HMBOX1: variants seen among roughly 807,000 people sequenced by gnomAD.
HMBOX1 encodes the protein homeobox-containing protein 1.
In HMBOX1, 14 loss-of-function variants were observed where a neutral mutation model predicts 54.5. The ratio of observed to expected loss-of-function variants is 0.26; its 90% CI spans 0.17 to 0.40. HMBOX1 has a LOEUF of 0.40. Among genes scored for constraint, HMBOX1 ranks in the 10% least tolerant of loss-of-function variants. The probability of loss-of-function intolerance (pLI) is 1.00; values close to 1 mark genes in which losing one functional copy is unlikely to be tolerated. For synonymous variants in HMBOX1, 160 were observed against 181.0 expected (o/e 0.88, Z 0.93); for missense variants, 332 against 514.4 (o/e 0.65, Z 3.43).
intron 5 of HMBOX1, among the ~76,000 whole-genome samples, chr8:29,016,366 GTC>G (rs1280962797): frequency 6.6e-6 from 1 of 152,130 alleles, no homozygotes; most frequent in African/African-American, 2.4e-5. Context: ...TAGTAGTGAA[GTC>G]TCTATATTAA....
chr8:28,914,147 C>T (rs1395448116), intron 1 of HMBOX1, among the ~76,000 whole-genome samples: 1 of 152,080 alleles, frequency 6.6e-6, no homozygotes, highest in Non-Finnish European at 1.5e-5. Context: ...GGATTACAGG[C>T]GTGAGCTACC....
chr8:28,900,066 T>A (rs989901235), intron 1 of HMBOX1, among the ~76,000 whole-genome samples: 1 of 151,824 alleles, frequency 6.6e-6, no homozygotes, highest in East Asian at 1.9e-4. Context: ...CTGGCCAACA[T>A]GGTGAAACCC....
intron 3 of HMBOX1, among the ~76,000 whole-genome samples, chr8:28,971,390 C>G (rs1827390692): frequency 6.6e-6 from 1 of 152,098 alleles, no homozygotes; most frequent in Admixed American, 6.5e-5. Context: ...TGCACCCAGC[C>G]GAAAAGAAAT....
intron 1 of HMBOX1, chr8:28,949,698 G>C (rs749379479): frequency 6.6e-6 from 1 of 152,162 alleles, no homozygotes; most frequent in Non-Finnish European, 1.5e-5. Context: ...GGTAGCAGCT[G>C]AGGCTGCAGC....
intron 1 of HMBOX1, among the ~76,000 whole-genome samples, chr8:28,892,455 T>C (rs1204830214): frequency 6.6e-6 from 1 of 152,192 alleles, no homozygotes; most frequent in Non-Finnish European, 1.5e-5. Context: ...ATGTGACAAT[T>C]TTTTTAGTGT....
chr8:29,030,512 C>G (rs1802797377), intron 6 of HMBOX1, among the ~76,000 whole-genome samples: 1 of 152,156 alleles, frequency 6.6e-6, no homozygotes, highest in African/African-American at 2.4e-5. Context: ...AGCCACAACG[C>G]CCGGCCGGTC....
intron 5 of HMBOX1, among the ~76,000 whole-genome samples, chr8:29,014,264 TG>T (rs545357835): frequency 7.7e-6 from 1 of 130,084 alleles, no homozygotes; most frequent in Non-Finnish European, 1.7e-5. Flanking sequence ...GAAACTTAGA[TG>T]GGGGGAAAAA....
chr8:28,997,513 TGAG>T (rs1460817643), intron 4 of HMBOX1, among the ~76,000 whole-genome samples: 1 of 152,128 alleles, frequency 6.6e-6, no homozygotes, highest in East Asian at 1.9e-4. Flanking sequence ...AGCATTTTGT[TGAG>T]GAGTTTTACA....
intron 6 of HMBOX1, among the ~76,000 whole-genome samples, chr8:29,021,093 T>G (rs1801074519): frequency 6.6e-6 from 1 of 152,186 alleles, no homozygotes; most frequent in Admixed American, 6.5e-5. Context: ...GAGGATTGCT[T>G]GAGCCCAGGA....
chr8:29,019,553 A>C (rs1800852609), intron 6 of HMBOX1, among the ~76,000 whole-genome samples: 1 of 152,170 alleles, frequency 6.6e-6, no homozygotes, highest in Non-Finnish European at 1.5e-5. Flanking sequence ...CTTGTAAGTG[A>C]TGTTTACAGA....
chr8:28,933,902 A>T (rs754722944), intron 1 of HMBOX1, among the ~76,000 whole-genome samples: 1 of 152,244 alleles, frequency 6.6e-6, no homozygotes, highest in Non-Finnish European at 1.5e-5. Context: ...TTAAGGAAGA[A>T]ATAATGAATG....
intron 6 of HMBOX1, among the ~76,000 whole-genome samples, chr8:29,033,913 C>T (rs537171793): frequency 6.6e-4 from 101 of 152,226 alleles, no homozygotes; most frequent in African/African-American, 2.3e-3. Flanking sequence ...AACTTATAGA[C>T]GAATTGGAAA....
intron 1 of HMBOX1, among the ~76,000 whole-genome samples, chr8:28,894,942 C>CA (rs575886185): frequency 0.012 from 1,420 of 116,420 alleles, 12 homozygotes; most frequent in East Asian, 0.061. Context: ...TTAACATTTG[C>CA]AAAAAAAAAA....
In HMBOX1 at chr8:29,051,425, A is replaced by AGT. The variant is rs2133416422; in HGVS notation, c.*271_*272insTG. ...CTAGAAAATCTTGCTGCTCCGTCTT[A>AGT]GCATTCCAAGAAAGTGCTTCCAGGT... On this transcript the variant is annotated 3_prime_UTR_variant, in exon 10 of 10. Coordinates refer to ENST00000287701, the MANE Select transcript of HMBOX1 (RefSeq NM_001135726.3). 1 of 676,356 alleles carries AGT rather than the reference A, an allele frequency of 1.5e-6. No homozygotes were observed. Among genetic ancestry groups the AGT allele is most frequent in the East Asian group, 2.7e-5 (1 of 36,798 alleles). The allele number at this position is 676,356 out of a possible 1,614,324, so 41.9% of individuals were successfully genotyped here. A position where few individuals can be genotyped will look rare whatever the true frequency, so the allele number is the denominator to read the frequency against.
chr8:28,954,405 T>A (rs1012085538), intron 1 of HMBOX1, among the ~76,000 whole-genome samples: 1 of 152,170 alleles, frequency 6.6e-6, no homozygotes, highest in African/African-American at 2.4e-5. Context: ...TCTCTCCCAA[T>A]GATGGCTTGC....
chr8:28,976,713 T>C (rs1263675260), intron 3 of HMBOX1, among the ~76,000 whole-genome samples: 1 of 150,034 alleles, frequency 6.7e-6, no homozygotes, highest in Non-Finnish European at 1.5e-5. Context: ...TTTTTTCTTT[T>C]TTTTTTTTTT....
At chr8:29,010,438 C>T (rs1834072736) in intron 5 of HMBOX1, among the ~76,000 whole-genome samples, 2 of 151,998 alleles carry the variant, frequency 1.3e-5, no homozygotes, top group South Asian at 2.1e-4. Context: ...ATGCCTGTAT[C>T]CCAGCTACTC....
chr8:28,950,294 T>C (rs535645802), intron 1 of HMBOX1, among the ~76,000 whole-genome samples: 1 of 152,322 alleles, frequency 6.6e-6, no homozygotes, highest in South Asian at 2.1e-4. Context: ...CAGAGTTGTC[T>C]GGGGATTCTA....
chr8:29,013,533 A>C (rs1310697045), intron 5 of HMBOX1, among the ~76,000 whole-genome samples: 1 of 152,230 alleles, frequency 6.6e-6, no homozygotes, highest in African/African-American at 2.4e-5. Flanking sequence ...GAAAAATAAT[A>C]GAATGGATAT....
Sources: gnomAD v4.1 joint callset for allele counts (sites outside exome capture counted in the v4.1 genomes callset) on GRCh38, gnomAD v4.1.1 for gene constraint, MANE v1.5 for transcripts, NCBI Gene and HGNC (gene_info 2026-07-23, HGNC 2026-07-21) for gene names.